Variants in KCNQ1 observed in about 807,000 individuals in gnomAD.
The protein encoded by KCNQ1 is potassium voltage-gated channel subfamily Q member 1.
A neutral mutation model predicts 72.4 loss-of-function variants in KCNQ1; 49 were observed. The ratio of observed to expected loss-of-function variants is 0.68; its 90% CI spans 0.54 to 0.86. The LOEUF (loss-of-function observed/expected upper bound fraction) is 0.86, where lower values mean the gene tolerates loss of function less well. Ranked by LOEUF, KCNQ1 falls within the 40% of genes least tolerant of loss-of-function variation. The probability of loss-of-function intolerance (pLI) is 0.00; values close to 1 mark genes in which losing one functional copy is unlikely to be tolerated. For missense variants in KCNQ1, 790 were observed against 945.1 expected, an observed-to-expected ratio of 0.84 and a Z score of 2.15; for synonymous variants, 450 against 412.6, an observed-to-expected ratio of 1.09 and a Z score of -1.10.
rs1589942031 is a variant in KCNQ1 at position 2,544,652 on chromosome 11, A to G, written c.477+16634A>G. Reference sequence around the variant, plus strand: ...TCTAGAACTGAAATTCATTTTGACAAATTTATCTTGAATCTTGCAACCTTT... The same window carrying G: ...TCTAGAACTGAAATTCATTTTGACAGATTTATCTTGAATCTTGCAACCTTT... On this transcript the variant is annotated intron_variant, in intron 2 of 15. Transcript: ENST00000155840. The surrounding 1 kb of genome is among the most constrained non-coding windows in gnomAD (Gnocchi z 4.4). Among the ~76,000 whole-genome samples the G allele has an allele frequency of 6.6e-6, 1 of 152,194 alleles. No individual in the cohort carries two copies. The highest frequency in any genetic ancestry group is 2.4e-5 in the African/African-American group (1 of 41,440).
At chr11:2,580,154 C>T (rs2133745196) in intron 6 of KCNQ1, among the ~76,000 whole-genome samples, 1 of 152,314 alleles carries the variant, frequency 6.6e-6, no homozygotes, top group African/African-American at 2.4e-5. Flanking sequence ...GCTTGGCACG[C>T]AAGGCAGGAG....
At chr11:2,680,218 A>G in intron 11 of KCNQ1, 1 of 398,282 alleles carries the variant, frequency 2.5e-6, no homozygotes, top group Non-Finnish European at 4.4e-6. Flanking sequence ...AAAAAAAAAA[A>G]AAAAAAAAAG....
At chr11:2,807,477 G>A (rs567322884) in intron 15 of KCNQ1, among the ~76,000 whole-genome samples, 3 of 152,188 alleles carry the variant, frequency 2.0e-5, no homozygotes, top group South Asian at 2.1e-4. Context: ...GGGCCAGCGC[G>A]ATGTCATGAG....
In KCNQ1 at chr11:2,644,427, G is replaced by C. The variant is rs141541247; in HGVS notation, c.1394-17534G>C. On this transcript the variant is annotated intron_variant, in intron 10 of 15. Transcript: ENST00000155840. ...TTATTCAATTCCAGAATATCTGTTT[G>C]GTTCTTTTTATATCTATCTCTTGGG... The C allele has an allele frequency of 1.4e-3, 565 of 398,030 alleles. 5 individuals carry two copies. The East Asian group carries it at 0.019, about 13-fold the overall frequency. The allele number at this position is 398,030 out of a possible 1,614,324, so 24.7% of individuals were successfully genotyped here.
intron 2 of KCNQ1, among the ~76,000 whole-genome samples, chr11:2,535,054 G>C (rs1847706904): frequency 6.6e-6 from 1 of 152,210 alleles, no homozygotes; most frequent in African/African-American, 2.4e-5. Flanking sequence ...GCACGGGGTG[G>C]CCTGCAGCTC....
In KCNQ1 at chr11:2,659,830, TTTATG is replaced by T. The variant is rs1218569995; in HGVS notation, c.1394-2127_1394-2123del. On this transcript the variant is annotated intron_variant, in intron 10 of 15. Coordinates refer to ENST00000155840, the MANE Select transcript of KCNQ1 (RefSeq NM_000218.3). This position sits in a 1 kb window ranked among gnomAD's most constrained non-coding sequence, Gnocchi z 4.3. ...TGTGATTCTAATTTGCATTTCCATA[TTTATG>T]TTAATTATGTATCTTTTCATGTGCT... The T allele has an allele frequency of 1.0e-5, 4 of 398,400 alleles. No homozygotes were observed. Among genetic ancestry groups the T allele is most frequent in the Non-Finnish European group, 4.4e-6 (1 of 226,016 alleles). The allele number at this position is 398,400 out of a possible 1,614,324, so 24.7% of individuals were successfully genotyped here. A position where few individuals can be genotyped will look rare whatever the true frequency, so the allele number is the denominator to read the frequency against.
intron 1 of KCNQ1, among the ~76,000 whole-genome samples, chr11:2,466,464 G>T (rs146539566): frequency 6.6e-6 from 1 of 152,150 alleles, no homozygotes; most frequent in African/African-American, 2.4e-5. Context: ...TCTTAGAGGG[G>T]CAAGGGGCTG....
At position 2,490,741 on chromosome 11, in the gene KCNQ1, C is replaced by A. The variant is rs187848780; in HGVS notation, c.387-37187C>A. Among the ~76,000 whole-genome samples the A allele has an allele frequency of 4.6e-5, 7 of 152,082 alleles. No individual in the cohort carries two copies. The East Asian group carries it at 1.2e-3, about 25-fold the overall frequency. The stretch of plus-strand genomic sequence containing the variant: ...TTCACTCTTGTTGCCAAGGCTAGAG[C>A]GCAATGGTGTGATCTCAGCTCACCG... On this transcript the variant is annotated intron_variant, in intron 1 of 15. Coordinates refer to ENST00000155840, the MANE Select transcript of KCNQ1 (RefSeq NM_000218.3).
intron 10 of KCNQ1, chr11:2,615,355 C>G (rs946111935): frequency 5.0e-6 from 2 of 397,904 alleles, no homozygotes; most frequent in Non-Finnish European, 4.4e-6. Flanking sequence ...AGTTTTACTG[C>G]TTCCTTTCCA....
At chr11:2,847,154 C>T (rs1848347662) in intron 15 of KCNQ1, among the ~76,000 whole-genome samples, 2 of 151,970 alleles carry the variant, frequency 1.3e-5, no homozygotes, top group African/African-American at 2.4e-5. Context: ...CTGTGCCCTG[C>T]AAGCCCCTCC....
intron 15 of KCNQ1, among the ~76,000 whole-genome samples, chr11:2,835,074 G>C (rs1424717994): frequency 6.6e-6 from 1 of 152,152 alleles, no homozygotes; most frequent in Non-Finnish European, 1.5e-5. Flanking sequence ...GCCCTGTCCT[G>C]GGTGCAGGCC....
intron 11 of KCNQ1, chr11:2,667,498 C>T: frequency 2.5e-6 from 1 of 396,218 alleles, no homozygotes; most frequent in East Asian, 3.6e-5. Context: ...ACATTCACGC[C>T]ACAGAGGTGG....
intron 11 of KCNQ1, among the ~76,000 whole-genome samples, chr11:2,726,761 T>A (rs1373796899): frequency 1.3e-5 from 2 of 152,216 alleles, no homozygotes; most frequent in Non-Finnish European, 2.9e-5. Flanking sequence ...GGCTTTCCCA[T>A]GGAATGTGCT....
In KCNQ1 at chr11:2,666,969, G is replaced by A. The variant is rs1392834685; in HGVS notation, c.1514+4888G>A. On this transcript the variant is annotated intron_variant, in intron 11 of 15. Transcript: ENST00000155840. ...ACGAGATGCCAAGGAAGCCCTCTGG[G>A]GGCCCGCCCGGGAGGGCTGTACAGG... 23 of 398,622 alleles carry A rather than the reference G, an allele frequency of 5.8e-5. No homozygotes were observed. The Admixed American group carries it at 9.7e-4, about 17-fold the overall frequency. The allele number at this position is 398,622 out of a possible 1,614,324, so 24.7% of individuals were successfully genotyped here. A position where few individuals can be genotyped will look rare whatever the true frequency, so the allele number is the denominator to read the frequency against.
At chr11:2,568,443 G>A (rs1848278301) in intron 2 of KCNQ1, among the ~76,000 whole-genome samples, 1 of 152,186 alleles carries the variant, frequency 6.6e-6, no homozygotes, top group African/African-American at 2.4e-5. Context: ...GTGCCGTCAT[G>A]GGCACCCTGT....
At chr11:2,754,665 G>A (rs1369959401) in intron 11 of KCNQ1, among the ~76,000 whole-genome samples, 2 of 152,118 alleles carry the variant, frequency 1.3e-5, no homozygotes, top group Non-Finnish European at 2.9e-5. Context: ...GCTAGAGTTG[G>A]GCCCCCACCT....
At chr11:2,637,503 T>A (rs1042823430) in intron 10 of KCNQ1, 3 of 152,220 alleles carry the variant, frequency 2.0e-5, no homozygotes, top group Non-Finnish European at 4.4e-5. Context: ...TTTGAGTGAG[T>A]TTCTTAATCC....
intron 11 of KCNQ1, among the ~76,000 whole-genome samples, chr11:2,721,475 C>T (rs774912091): frequency 2.0e-5 from 3 of 152,252 alleles, no homozygotes; most frequent in Non-Finnish European, 2.9e-5. Context: ...GCAAGAGGGG[C>T]AGGTCCAGGG....
chr11:2,561,584 A>C (rs1432071682), intron 2 of KCNQ1, among the ~76,000 whole-genome samples: 1 of 152,162 alleles, frequency 6.6e-6, no homozygotes, highest in Non-Finnish European at 1.5e-5. Flanking sequence ...GAGCACAGAG[A>C]GGCTGAGCTG....
Sources: allele counts gnomAD v4.1 joint callset (sites outside exome capture counted in the v4.1 genomes callset), GRCh38; gene constraint gnomAD v4.1.1; non-coding constraint Gnocchi (gnomAD v3.1); transcripts MANE v1.5; gene names NCBI Gene and HGNC (gene_info 2026-07-23, HGNC 2026-07-21).